PAPSS1: variants seen among roughly 807,000 people sequenced by gnomAD.
PAPSS1 encodes the protein bifunctional 3'-phosphoadenosine 5'-phosphosulfate synthase 1.
A neutral mutation model predicts 72.0 loss-of-function variants in PAPSS1; 50 were observed. That is an observed-to-expected ratio of 0.69 (90% CI 0.55 to 0.88). The LOEUF is 0.88. PAPSS1 is among the 40% of genes least tolerant of loss of function. The pLI, the probability that PAPSS1 is intolerant of heterozygous loss-of-function variation, is 0.00. For synonymous variants in PAPSS1, 261 were observed against 263.6 expected, an observed-to-expected ratio of 0.99 and a Z score of 0.09; for missense variants, 657 against 782.2, an observed-to-expected ratio of 0.84 and a Z score of 1.91.
At chr4:107,624,884 C>CT (rs756719389) in intron 11 of PAPSS1, among the ~76,000 whole-genome samples, 2 of 152,132 alleles carry the variant, frequency 1.3e-5, no homozygotes, top group South Asian at 2.1e-4. Flanking sequence ...TCCCAATACT[C>CT]TAACAGAAAT....
At chr4:107,639,507 T>C (rs548530106) in intron 10 of PAPSS1, among the ~76,000 whole-genome samples, 2 of 152,308 alleles carry the variant, frequency 1.3e-5, no homozygotes, top group Admixed American at 1.3e-4. Flanking sequence ...GGAATATTAA[T>C]GTGCTTTAAT....
chr4:107,667,572 T>C (rs916471336), intron 5 of PAPSS1, among the ~76,000 whole-genome samples: 1 of 152,078 alleles, frequency 6.6e-6, no homozygotes, highest in African/African-American at 2.4e-5. Flanking sequence ...TTAAATTGAA[T>C]CACTGGATAC....
intron 9 of PAPSS1, among the ~76,000 whole-genome samples, chr4:107,653,264 T>G (rs1028021714): frequency 2.0e-5 from 3 of 152,104 alleles, no homozygotes; most frequent in African/African-American, 7.2e-5. Flanking sequence ...AAAAGGTAAA[T>G]TCTGCATTAG....
chr4:107,677,378 T>C (rs1727682352), intron 5 of PAPSS1, among the ~76,000 whole-genome samples: 1 of 152,172 alleles, frequency 6.6e-6, no homozygotes, highest in Non-Finnish European at 1.5e-5. Context: ...GGGAGAAGGA[T>C]ATGAACAGGC....
rs1726911554 is a variant in PAPSS1 at position 107,653,492 on chromosome 4, A to G, written c.1236T>C (p.Ala412=). The change falls in exon 9 of 12, where the codon GCT becomes GCC. Residue 412 remains alanine (A), a splice_region_variant and synonymous_variant. Transcript: ENST00000265174. Reference sequence around the variant, plus strand: ...TAGGTAATTAAATCCATGTCTTACCAGCATTCATATCTTTAAATTTCTGCT... The same window carrying G: ...TAGGTAATTAAATCCATGTCTTACCGGCATTCATATCTTTAAATTTCTGCT... ...ELKQKFKDMN[A]DAVFAFQLRN... is the part of the protein sequence containing the mutation. 6.2e-7 allele frequency: 1 copy of G among 1,610,408 alleles called. No homozygotes were observed. Among genetic ancestry groups the G allele is most frequent in the Non-Finnish European group, 8.5e-7 (1 of 1,178,506 alleles).
chr4:107,665,745 C>T (rs1020143889), intron 5 of PAPSS1, among the ~76,000 whole-genome samples: 3 of 152,098 alleles, frequency 2.0e-5, no homozygotes, highest in Non-Finnish European at 4.4e-5. Context: ...AAATGTAACA[C>T]GGGGTACCCA....
intron 10 of PAPSS1, among the ~76,000 whole-genome samples, chr4:107,635,161 T>G (rs903971507): frequency 3.3e-5 from 5 of 152,212 alleles, no homozygotes; most frequent in Admixed American, 6.5e-5. Flanking sequence ...TTTTATATTC[T>G]ATTAGCCTTG....
chr4:107,717,416 A>G (rs1723667802), intron 1 of PAPSS1, among the ~76,000 whole-genome samples: 1 of 152,206 alleles, frequency 6.6e-6, no homozygotes. Flanking sequence ...ATTGTAATAG[A>G]GGATGATAAC....
chr4:107,669,113 G>A (rs554692172), intron 5 of PAPSS1, among the ~76,000 whole-genome samples: 1 of 152,262 alleles, frequency 6.6e-6, no homozygotes, highest in East Asian at 1.9e-4. Context: ...AAATGTCTTT[G>A]TGATAACAAT....
At chr4:107,625,841 T>TAC (rs1374997553) in intron 11 of PAPSS1, among the ~76,000 whole-genome samples, 3 of 152,216 alleles carry the variant, frequency 2.0e-5, no homozygotes, top group African/African-American at 7.2e-5. Context: ...GAAGGATGCC[T>TAC]ACAGTTAGAG....
intron 1 of PAPSS1, among the ~76,000 whole-genome samples, chr4:107,702,238 ATAG>A (rs1478530677): frequency 6.6e-6 from 1 of 152,184 alleles, no homozygotes; most frequent in Non-Finnish European, 1.5e-5. Flanking sequence ...TGTTGCGAAA[ATAG>A]TAGTCATTTT....
intron 10 of PAPSS1, among the ~76,000 whole-genome samples, chr4:107,641,948 C>T (rs917819646): frequency 2.0e-5 from 3 of 152,152 alleles, no homozygotes; most frequent in African/African-American, 7.2e-5. Flanking sequence ...CACATCTTGT[C>T]ATGAGCCAGG....
chr4:107,645,116 A>G lies in PAPSS1; in HGVS notation c.1238-46T>C, dbSNP rs564577557. On this transcript the variant is annotated intron_variant, in intron 9 of 11. Transcript: ENST00000265174. ...GTTAAGAATAGCATGTTTCTAACAGATTACTTTCCAAAGGATACGCAATTT... is the reference window on the plus strand; with the variant it reads ...GTTAAGAATAGCATGTTTCTAACAGGTTACTTTCCAAAGGATACGCAATTT... The G allele has an allele frequency of 7.9e-6, 11 of 1,384,964 alleles. No individual in the cohort carries two copies. The South Asian group carries it at 1.5e-4, about 19-fold the overall frequency. The allele number at this position is 1,384,964 out of a possible 1,614,324, so 85.8% of individuals were successfully genotyped here. A position where few individuals can be genotyped will look rare whatever the true frequency, so the allele number is the denominator to read the frequency against.
In PAPSS1 at chr4:107,659,960, T is replaced by C. The variant is rs1208435595; in HGVS notation, c.782A>G (p.Lys261Arg). Reference sequence around the variant, plus strand: ...TGTGAAAAGCAACGAAGAACTTACTTTATTAATTTTCAGTGCTGGTAATGT... The same window carrying C: ...TGTGAAAAGCAACGAAGAACTTACTCTATTAATTTTCAGTGCTGGTAATGT... ...AETLPALKIN[K>R]VDMQWVQVLA... The change falls in exon 6 of 12, where the codon AAA (lysine) becomes AGA (arginine). Residue 261 changes from lysine to arginine, a missense_variant and splice_region_variant. This residue lies in a region of PAPSS1 where 190 missense variants were observed against 176.7 expected (regional missense o/e 1.07). Coordinates refer to ENST00000265174, the MANE Select transcript of PAPSS1 (RefSeq NM_005443.5). The C allele has an allele frequency of 6.5e-7, 1 of 1,534,676 alleles. No homozygotes were observed. Among genetic ancestry groups the C allele is most frequent in the Non-Finnish European group, 9.0e-7 (1 of 1,110,408 alleles).
intron 11 of PAPSS1, among the ~76,000 whole-genome samples, chr4:107,625,295 A>C (rs1726061707): frequency 6.6e-6 from 1 of 152,214 alleles, no homozygotes; most frequent in Admixed American, 6.5e-5. Flanking sequence ...TAAAGTTACT[A>C]ATCAGTTGAC....
intron 9 of PAPSS1, among the ~76,000 whole-genome samples, chr4:107,649,009 T>G (rs571937371): frequency 1.3e-5 from 2 of 152,352 alleles, no homozygotes; most frequent in South Asian, 4.1e-4. Flanking sequence ...CTACTTTCTA[T>G]TCTCATGACT....
Position 107,653,598 on chromosome 4 carries a change from A to G in PAPSS1, c.1130T>C (p.Ile377Thr), listed in dbSNP as rs1726915847. Residue 377 changes from isoleucine to threonine, a missense_variant, in exon 9 of 12, where the codon ATT becomes ACT. Physicochemically the swap from Ile to Thr is moderately conservative, Grantham distance 89. This residue lies in a region of PAPSS1 where 166 missense variants were observed against 228.3 expected (regional missense o/e 0.73). Coordinates refer to ENST00000265174, the MANE Select transcript of PAPSS1 (RefSeq NM_005443.5). ...KMVMEQGDWL[I>T]GGDLQVLDRV... ...ATCCAAGACTTGAAGATCTCCTCCA[A>G]TCAGCCAATCTCCTTGTTCCATCAC... The G allele has an allele frequency of 2.5e-6, 4 of 1,613,570 alleles. No homozygotes were observed. Among genetic ancestry groups the G allele is most frequent in the Non-Finnish European group, 3.4e-6 (4 of 1,179,694 alleles).
At chr4:107,709,273 G>A (rs1723426604) in intron 1 of PAPSS1, among the ~76,000 whole-genome samples, 1 of 152,160 alleles carries the variant, frequency 6.6e-6, no homozygotes, top group African/African-American at 2.4e-5. Context: ...TACTGGAATT[G>A]AAACAGCCTT....
At chr4:107,658,763 GAATTC>G (rs1302793911) in intron 6 of PAPSS1, among the ~76,000 whole-genome samples, 2 of 151,894 alleles carry the variant, frequency 1.3e-5, no homozygotes, top group African/African-American at 4.8e-5. Context: ...GTCTCTACTG[GAATTC>G]AATTCTAGAT....
Sources: gnomAD v4.1 joint callset for allele counts (sites outside exome capture counted in the v4.1 genomes callset) on GRCh38, gnomAD v4.1.1 for gene constraint, gnomAD v4.1.1 regional missense constraint, MANE v1.5 for transcripts, NCBI Gene and HGNC (gene_info 2026-07-23, HGNC 2026-07-21) for gene names.